The following PRICKLE1 variants were observed in gnomAD, a reference collection of about 807,000 sequenced individuals.
PRICKLE1 encodes the protein prickle planar cell polarity protein 1.
Under a neutral mutation model 70.2 loss-of-function variants are expected in PRICKLE1, and 14 were observed. The observed-to-expected ratio is 0.20, with a 90% confidence interval of 0.13 to 0.31. PRICKLE1 has a LOEUF of 0.31. Among genes scored for constraint, PRICKLE1 ranks in the 10% least tolerant of loss-of-function variants. The pLI is 1.00. For missense variants in PRICKLE1, 821 were observed against 1,026.2 expected, an observed-to-expected ratio of 0.80 and a Z score of 2.73; for synonymous variants, 357 against 379.9, an observed-to-expected ratio of 0.94 and a Z score of 0.70.
Position 42,469,537 on chromosome 12 carries a change from C to A in PRICKLE1, c.297G>T (p.Val99=), listed in dbSNP as rs1182386699. The change falls in exon 4 of 8, where the codon GTG becomes GTT. Residue 99 remains valine (V), a synonymous_variant. Transcript: ENST00000345127. ...CTTCTTTCTTCCGCTGAGCACTGAA[C>A]ACCTGCAACTCTTTTTTCTCCTCTT... is the stretch of plus-strand genomic sequence containing the variant. ...LSEEEKKELQ[V]FSAQRKKEAL... 6.2e-7 allele frequency: 1 copy of A among 1,614,196 alleles called. No homozygotes were observed. Among genetic ancestry groups the A allele is most frequent in the Non-Finnish European group, 8.5e-7 (1 of 1,180,036 alleles).
In PRICKLE1 at chr12:42,580,095, G is replaced by A. The variant is rs138685955; in HGVS notation, c.-49+9370C>T. On this transcript the variant is annotated intron_variant, in intron 1 of 7. Transcript: ENST00000345127. ...TCACCATGTTGGCCAGGCTGGTCTC[G>A]AACTCTTGGCCTCAAGTGATCTGCC... is the stretch of plus-strand genomic sequence containing the variant. Among the ~76,000 whole-genome samples the A allele has an allele frequency of 2.8e-3, 422 of 152,028 alleles. 1 individual carries two copies. Among genetic ancestry groups the A allele is most frequent in the East Asian group, 0.024 (124 of 5,164 alleles).
intron 1 of PRICKLE1, among the ~76,000 whole-genome samples, chr12:42,475,081 A>C (rs1220200847): frequency 6.6e-6 from 1 of 152,236 alleles, no homozygotes; most frequent in Non-Finnish European, 1.5e-5. Flanking sequence ...TTAGCACTAC[A>C]TGCCACCATC....
chr12:42,471,283 G>C (rs1032469157), intron 2 of PRICKLE1, among the ~76,000 whole-genome samples: 12 of 128,050 alleles, frequency 9.4e-5, no homozygotes, highest in African/African-American at 3.0e-4. Flanking sequence ...TTGTTTTTCT[G>C]ATGTCTTTAA....
At position 42,568,559 on chromosome 12, in the gene PRICKLE1, C is replaced by T. The variant is rs140923079; in HGVS notation, c.-49+20906G>A. Among the ~76,000 whole-genome samples the T allele has an allele frequency of 5.0e-3, 762 of 152,268 alleles. 4 individuals carry two copies. Among genetic ancestry groups the T allele is most frequent in the Non-Finnish European group, 7.1e-3 (482 of 68,038 alleles). ...AGCACATAGGGTAAGGTGGCAAATA[C>T]GCTTGATGAATAAAATGAAATGACT... On this transcript the variant is annotated intron_variant, in intron 1 of 7. Coordinates refer to ENST00000345127, the MANE Select transcript of PRICKLE1 (RefSeq NM_153026.3).
At chr12:42,514,887 C>CTCTATCTATCTG (rs1939576975) in intron 1 of PRICKLE1, among the ~76,000 whole-genome samples, 1 of 139,678 alleles carries the variant, frequency 7.2e-6, no homozygotes, top group Non-Finnish European at 1.5e-5. Flanking sequence ...TTAAGGCTCG[C>CTCTATCTATCTG]TCTATCTATC....
intron 1 of PRICKLE1, among the ~76,000 whole-genome samples, chr12:42,523,728 G>T (rs1939752355): frequency 1.3e-5 from 2 of 152,172 alleles, no homozygotes; most frequent in Non-Finnish European, 2.9e-5. Flanking sequence ...AGGTGATTTG[G>T]ATACCTGTCA....
At chr12:42,521,686 G>C (rs1431878769) in intron 1 of PRICKLE1, among the ~76,000 whole-genome samples, 1 of 151,842 alleles carries the variant, frequency 6.6e-6, no homozygotes, top group African/African-American at 2.4e-5. Flanking sequence ...GGGTGACAGA[G>C]TGAGACCTTG....
chr12:42,556,899 A>G (rs1255069818), intron 1 of PRICKLE1, among the ~76,000 whole-genome samples: 1 of 152,228 alleles, frequency 6.6e-6, no homozygotes, highest in African/African-American at 2.4e-5. Context: ...CACCCAGACT[A>G]GAATAAGACA....
intron 1 of PRICKLE1, among the ~76,000 whole-genome samples, chr12:42,561,551 T>C (rs1053712572): frequency 2.0e-5 from 3 of 152,256 alleles, no homozygotes; most frequent in Admixed American, 2.0e-4. Context: ...ATGTATAAAC[T>C]AATTCTGTTC....
intron 1 of PRICKLE1, among the ~76,000 whole-genome samples, chr12:42,477,518 A>G (rs61924398): frequency 0.024 from 563 of 23,470 alleles, 18 homozygotes; most frequent in African/African-American, 0.036. Context: ...ATATATATAT[A>G]TATATATATA....
chr12:42,573,504 G>A (rs948544394), intron 1 of PRICKLE1, among the ~76,000 whole-genome samples: 2 of 152,100 alleles, frequency 1.3e-5, no homozygotes, highest in African/African-American at 4.8e-5. Flanking sequence ...CCAAAGATTG[G>A]CAGAGAAAGT....
chr12:42,463,253 C>T lies in PRICKLE1; in HGVS notation c.1639+1142G>A, dbSNP rs562529575. On this transcript the variant is annotated intron_variant, in intron 7 of 7. Coordinates refer to ENST00000345127, the MANE Select transcript of PRICKLE1 (RefSeq NM_153026.3). ...GGCAGAGGTTATAGTGAGCTGATAT[C>T]GCGTCATTGCACCCCAACCTGGGTG... 4.6e-5 allele frequency among the ~76,000 whole-genome samples: 7 copies of T among 152,136 alleles called. No individual in the cohort carries two copies. In the South Asian group the frequency reaches 1.5e-3, roughly 32 times the overall value.
chr12:42,545,683 T>C (rs1031214853), intron 1 of PRICKLE1, among the ~76,000 whole-genome samples: 2 of 150,474 alleles, frequency 1.3e-5, no homozygotes, highest in African/African-American at 5.0e-5. Flanking sequence ...ACTCTATCTC[T>C]ACTAAAAATA....
chr12:42,521,979 C>CTTT (rs548219588), intron 1 of PRICKLE1, among the ~76,000 whole-genome samples: 1 of 119,932 alleles, frequency 8.3e-6, no homozygotes, highest in Non-Finnish European at 1.8e-5. Flanking sequence ...TGTTTAACTT[C>CTTT]TTTTTTTTTT....
rs1937682063 is a variant in PRICKLE1 at position 42,458,954 on chromosome 12, G to A, written c.*855C>T. ...CTTACATAGCCCCACCATGCATACA[G>A]AGCCTTTTTTAATATTGGAAAAAAA... On this transcript the variant is annotated 3_prime_UTR_variant, in exon 8 of 8. Coordinates refer to ENST00000345127, the MANE Select transcript of PRICKLE1 (RefSeq NM_153026.3). 3.9e-6 allele frequency: 1 copy of A among 255,624 alleles called. No individual in the cohort carries two copies. Among genetic ancestry groups the A allele is most frequent in the African/African-American group, 2.2e-5 (1 of 45,228 alleles). The allele number at this position is 255,624 out of a possible 1,614,324, so 15.8% of individuals were successfully genotyped here.
rs1311851345 is a variant in PRICKLE1, at chr12:42,464,746, G to A, written c.1288C>T (p.Pro430Ser). 4.3e-6 allele frequency: 7 copies of A among 1,614,030 alleles called. No homozygotes were observed. The highest frequency in any genetic ancestry group is 1.6e-4 in the Middle Eastern group (1 of 6,062). Residue 430 changes from proline to serine, a missense_variant, in exon 7 of 8, where the codon CCA (proline) becomes TCA (serine). Transcript: ENST00000345127. This position sits in a 1 kb window ranked among gnomAD's most constrained non-coding sequence, Gnocchi z 4.2. ...CGAATATCCATCTCATTGGGCTGTG[G>A]CTGAAAGAGGCTTTTATCACCAAAC... ...LKFGDKSLFQ[P>S]QPNEMDIRAS...
chr12:42,569,893 A>T (rs1369274817), intron 1 of PRICKLE1, among the ~76,000 whole-genome samples: 1 of 152,234 alleles, frequency 6.6e-6, no homozygotes, highest in Non-Finnish European at 1.5e-5. Context: ...AACAGCACAG[A>T]CTCTGAAATG....
chr12:42,573,279 A>G (rs1463486081), intron 1 of PRICKLE1, among the ~76,000 whole-genome samples: 1 of 152,216 alleles, frequency 6.6e-6, no homozygotes, highest in Non-Finnish European at 1.5e-5. Context: ...GACCACTACA[A>G]GATGTGCTTG....
In PRICKLE1 at chr12:42,460,160, A is replaced by T. The variant is rs749541698; in HGVS notation, c.2145T>A (p.Asn715Lys). 9.3e-6 allele frequency: 15 copies of T among 1,613,808 alleles called. No individual in the cohort carries two copies. In the South Asian group the frequency reaches 1.6e-4, roughly 18 times the overall value. ...TPDNYEKFIQ[N>K]KSAREIQAYI... ...ATGCTTGGATCTCCCGGGCACTTTT[A>T]TTCTGTATAAATTTCTCATAGTTAT... The change falls in exon 8 of 8, where the codon AAT becomes AAA. Residue 715 changes from asparagine (N) to lysine (K), a missense_variant. By Grantham distance (94) the Asn-to-Lys change is moderately conservative (BLOSUM62 0). Coordinates refer to ENST00000345127, the MANE Select transcript of PRICKLE1 (RefSeq NM_153026.3).
Sources: gnomAD v4.1 joint callset for allele counts (sites outside exome capture counted in the v4.1 genomes callset) on GRCh38, gnomAD v4.1.1 for gene constraint, Gnocchi (gnomAD v3.1) non-coding constraint, MANE v1.5 for transcripts, NCBI Gene and HGNC (gene_info 2026-07-23, HGNC 2026-07-21) for gene names.